Variants in MTMR2 observed in about 807,000 individuals in gnomAD.
MTMR2 encodes phosphatidylinositol-3,5-bisphosphate 3-phosphatase MTMR2.
A neutral mutation model predicts 86.9 loss-of-function variants in MTMR2; 55 were observed. That is an observed-to-expected ratio of 0.63 (90% CI 0.51 to 0.79). The LOEUF is 0.79. Ranked by LOEUF, MTMR2 falls within the 30% of genes least tolerant of loss-of-function variation. The pLI is 0.00. For missense variants in MTMR2, 659 were observed against 772.3 expected (o/e 0.85, Z 1.74); for synonymous variants, 241 against 266.8 (o/e 0.90, Z 0.94).
chr11:95,887,093 A>G (rs1865538436), intron 2 of MTMR2, among the ~76,000 whole-genome samples: 1 of 152,190 alleles, frequency 6.6e-6, no homozygotes, highest in Non-Finnish European at 1.5e-5. Context: ...GTAATGACAA[A>G]TATGCAGAAG....
At chr11:95,862,856 C>G (rs1864476854) in intron 3 of MTMR2, among the ~76,000 whole-genome samples, 2 of 152,100 alleles carry the variant, frequency 1.3e-5, no homozygotes, top group African/African-American at 2.4e-5. Context: ...CTGATTAATA[C>G]TTATGGGGAA....
At chr11:95,850,365 G>A (rs940130206) in intron 8 of MTMR2, among the ~76,000 whole-genome samples, 3 of 151,924 alleles carry the variant, frequency 2.0e-5, no homozygotes, top group Admixed American at 6.6e-5. Context: ...AACTTTTTCA[G>A]TGAAGAATCA....
At chr11:95,860,751 T>TA (rs1864386942) in intron 5 of MTMR2, among the ~76,000 whole-genome samples, 1 of 152,184 alleles carries the variant, frequency 6.6e-6, no homozygotes, top group Admixed American at 6.5e-5. Flanking sequence ...GACTTAATGG[T>TA]AAAAATGTAA....
intron 10 of MTMR2, among the ~76,000 whole-genome samples, chr11:95,846,941 A>G (rs1211011118): frequency 6.6e-6 from 1 of 151,642 alleles, no homozygotes; most frequent in African/African-American, 2.4e-5. Context: ...AACTTCAGAG[A>G]TTTTAATGTG....
rs1863270547 is a variant in MTMR2 at position 95,836,202 on chromosome 11, G to C, written c.1716C>G (p.His572Gln). Residue 572 changes from histidine to glutamine, a missense_variant, in exon 14 of 15, where the codon CAC becomes CAG. This residue lies in a region of MTMR2 where 193 missense variants were observed against 191.6 expected (regional missense o/e 1.01). Transcript: ENST00000346299. Reference sequence around the variant, plus strand: ...TGTAATATCCCACCCAGAGCTCTAGGTGGCGCATGCTGGCTACTGGATAAA... The same window carrying C: ...TGTAATATCCCACCCAGAGCTCTAGCTGGCGCATGCTGGCTACTGGATAAA... Reference protein sequence around the residue: ...HVLYPVASMRHLELWVGYYIR... With the variant: ...HVLYPVASMRQLELWVGYYIR... 1.2e-6 allele frequency: 2 copies of C among 1,613,006 alleles called. No homozygotes were observed. Among genetic ancestry groups the C allele is most frequent in the East Asian group, 4.5e-5 (2 of 44,854 alleles).
chr11:95,892,026 C>G (rs1020854988), intron 1 of MTMR2, among the ~76,000 whole-genome samples: 1 of 152,282 alleles, frequency 6.6e-6, no homozygotes, highest in African/African-American at 2.4e-5. Flanking sequence ...ATGCATAGTT[C>G]TCTTTTCTGT....
At chr11:95,919,048 G>C (rs987249674) in intron 1 of MTMR2, among the ~76,000 whole-genome samples, 1 of 152,036 alleles carries the variant, frequency 6.6e-6, no homozygotes, top group African/African-American at 2.4e-5. Flanking sequence ...TGTGACCCTG[G>C]CTGGTCTGGA....
chr11:95,869,229 GAAAATGAAAAAAAAAAAAAATACAGAC>G (rs1164473279), intron 2 of MTMR2, among the ~76,000 whole-genome samples: 2 of 99,942 alleles, frequency 2.0e-5, no homozygotes, highest in Non-Finnish European at 3.7e-5. Flanking sequence ...AAAACACCAT[GAAAATGAAAAAAAAAAAAAATACAGAC>G]AGTCCCTGAC....
chr11:95,837,957 G>C, intron 13 of MTMR2, 137 bp downstream of exon 13: 1 of 675,584 alleles, frequency 1.5e-6, no homozygotes, highest in Non-Finnish European at 2.7e-6. Context: ...ATGGAAGGAA[G>C]CCCTCAATAT....
At chr11:95,918,456 C>A (rs1866790521) in intron 1 of MTMR2, among the ~76,000 whole-genome samples, 1 of 152,100 alleles carries the variant, frequency 6.6e-6, no homozygotes, top group Admixed American at 6.5e-5. Flanking sequence ...TATACGGGAC[C>A]CAGTCTCAGG....
At chr11:95,877,899 T>C (rs1189769878) in intron 2 of MTMR2, among the ~76,000 whole-genome samples, 1 of 152,040 alleles carries the variant, frequency 6.6e-6, no homozygotes, top group South Asian at 2.1e-4. Context: ...TATGAAAGAA[T>C]AAATTTCTGT....
chr11:95,883,134 T>C (rs1865395893), intron 2 of MTMR2, among the ~76,000 whole-genome samples: 2 of 152,094 alleles, frequency 1.3e-5, no homozygotes, highest in South Asian at 4.1e-4. Flanking sequence ...AAGGAACTAC[T>C]ACATAGCTTG....
At chr11:95,859,109 C>T (rs1411783813) in intron 5 of MTMR2, among the ~76,000 whole-genome samples, 2 of 152,144 alleles carry the variant, frequency 1.3e-5, no homozygotes, top group East Asian at 3.9e-4. Flanking sequence ...TACTAACTAT[C>T]CCTTCCCAGG....
At position 95,905,347 on chromosome 11, in the gene MTMR2, A is replaced by G. The variant is rs1206062057; in HGVS notation, c.81-17086T>C. On this transcript the variant is annotated intron_variant, in intron 1 of 14. Transcript: ENST00000346299. ...CGCACCTGCGCACACACACACACAC[A>G]CACACACACACACACACACACAACA... 8.6e-5 allele frequency among the ~76,000 whole-genome samples: 13 copies of G among 151,736 alleles called. 1 individual carries two copies. Among genetic ancestry groups the G allele is most frequent in the Admixed American group, 5.3e-4 (8 of 15,230 alleles).
At chr11:95,879,758 A>G (rs967327610) in intron 2 of MTMR2, among the ~76,000 whole-genome samples, 15 of 152,140 alleles carry the variant, frequency 9.9e-5, no homozygotes, top group African/African-American at 3.6e-4. Flanking sequence ...AAACATATAA[A>G]TAAACTTAAA....
At chr11:95,858,863 C>T (rs1864304972) in intron 5 of MTMR2, among the ~76,000 whole-genome samples, 3 of 152,084 alleles carry the variant, frequency 2.0e-5, no homozygotes, top group Non-Finnish European at 2.9e-5. Flanking sequence ...AGGAAATTTA[C>T]CTATGCTTAT....
intron 1 of MTMR2, among the ~76,000 whole-genome samples, chr11:95,913,781 AAG>A (rs752642521): frequency 1.4e-4 from 21 of 152,086 alleles, no homozygotes; most frequent in African/African-American, 4.1e-4. Flanking sequence ...AGAATAGAGA[AAG>A]AGGGGGAAGG....
intron 2 of MTMR2, among the ~76,000 whole-genome samples, chr11:95,872,336 C>G (rs10831441): frequency 0.29 from 43,557 of 152,064 alleles, 7,426 homozygotes; most frequent in Non-Finnish European, 0.39. Flanking sequence ...AGGTCCTTCA[C>G]GTCCCTTGTA....
chr11:95,860,735 A>G (rs922630257), intron 5 of MTMR2, among the ~76,000 whole-genome samples: 21 of 152,220 alleles, frequency 1.4e-4, no homozygotes, highest in African/African-American at 5.1e-4. Flanking sequence ...AGAATTAAAT[A>G]CCTATGACTT....
Sources: allele counts gnomAD v4.1 joint callset (sites outside exome capture counted in the v4.1 genomes callset), GRCh38; gene constraint gnomAD v4.1.1; regional missense constraint gnomAD v4.1.1; transcripts MANE v1.5; gene names NCBI Gene and HGNC (gene_info 2026-07-23, HGNC 2026-07-21).